CCDC171: variants seen among roughly 807,000 people sequenced by gnomAD.
CCDC171 encodes coiled-coil domain containing 171, also known as coiled-coil domain-containing protein 171.
A neutral mutation model predicts 168.2 loss-of-function variants in CCDC171; 177 were observed. The ratio of observed to expected loss-of-function variants is 1.05; its 90% CI spans 0.93 to 1.19. The LOEUF (loss-of-function observed/expected upper bound fraction) is 1.19, where lower values mean the gene tolerates loss of function less well. CCDC171 is among the 50% of genes most tolerant of loss of function. CCDC171 has a pLI of 0.00. For synonymous variants in CCDC171, 687 were observed against 540.8 expected (o/e 1.27, Z -3.75); for missense variants, 1,991 against 1,539.0 (o/e 1.29, Z -4.91).
intron 18 of CCDC171, among the ~76,000 whole-genome samples, chr9:15,776,795 T>C (rs1205121157): frequency 3.9e-5 from 6 of 152,244 alleles, no homozygotes; most frequent in Admixed American, 1.3e-4. Flanking sequence ...TTTGTGCTTA[T>C]GATGTAAAGA....
At chr9:15,640,182 A>G (rs1017137367) in intron 7 of CCDC171, among the ~76,000 whole-genome samples, 8 of 152,204 alleles carry the variant, frequency 5.3e-5, no homozygotes, top group African/African-American at 1.7e-4. Flanking sequence ...GGGATTGAAT[A>G]TAAATGTAAA....
chr9:15,646,749 A>G (rs1354545017), intron 7 of CCDC171, among the ~76,000 whole-genome samples: 1 of 152,208 alleles, frequency 6.6e-6, no homozygotes, highest in Admixed American at 6.5e-5. Flanking sequence ...AGATTCATAA[A>G]ACAAATCCTT....
intron 16 of CCDC171, among the ~76,000 whole-genome samples, chr9:15,735,792 A>T (rs1246160455): frequency 6.6e-6 from 1 of 152,198 alleles, no homozygotes; most frequent in East Asian, 1.9e-4. Context: ...AGAGTTAGTT[A>T]CAATCACGTG....
chr9:16,073,268 G>A, the CCDC171 span, among the ~76,000 whole-genome samples: 1 of 152,196 alleles, frequency 6.6e-6, no homozygotes, highest in African/African-American at 2.4e-5. Flanking sequence ...CGGGTTTGGT[G>A]TAGGAACCCT....
chr9:16,044,173 A>G (rs1049538850), intron 1 of CCDC171, among the ~76,000 whole-genome samples: 1 of 152,166 alleles, frequency 6.6e-6, no homozygotes. Flanking sequence ...AATAAGGGGG[A>G]AGGGAGGCTG....
intron 24 of CCDC171, among the ~76,000 whole-genome samples, chr9:15,902,967 C>T (rs1015233431): frequency 5.3e-4 from 80 of 152,180 alleles, no homozygotes; most frequent in African/African-American, 1.3e-3. Context: ...AACTGCAAGG[C>T]GGCAGCGAGC....
At chr9:15,599,997 G>A (rs999030293) in intron 6 of CCDC171, among the ~76,000 whole-genome samples, 6 of 151,816 alleles carry the variant, frequency 4.0e-5, no homozygotes, top group Middle Eastern at 3.2e-3. Flanking sequence ...TTTCAGCTCC[G>A]TCAGGTCCTT....
At chr9:16,036,120 C>T (rs1833462588) in exon 8 of CCDC171, 1 of 152,232 alleles carries the variant, frequency 6.6e-6, no homozygotes, top group Non-Finnish European at 1.5e-5. Flanking sequence ...GTTCTTTCTC[C>T]ACAGACCAAC....
chr9:15,651,233 T>G (rs1478059461), intron 7 of CCDC171, among the ~76,000 whole-genome samples: 1 of 151,842 alleles, frequency 6.6e-6, no homozygotes, highest in Non-Finnish European at 1.5e-5. Context: ...CTCAGCCTCC[T>G]GAGTAGCTGG....
intron 25 of CCDC171, among the ~76,000 whole-genome samples, chr9:15,960,638 G>T (rs1223486921): frequency 6.6e-6 from 1 of 152,176 alleles, no homozygotes; most frequent in Non-Finnish European, 1.5e-5. Flanking sequence ...TAACATTCCT[G>T]ACTATCATGT....
intron 21 of CCDC171, among the ~76,000 whole-genome samples, chr9:15,830,624 C>T (rs9407655): frequency 0.43 from 65,979 of 151,870 alleles, 14,510 homozygotes; most frequent in Non-Finnish European, 0.46. Flanking sequence ...AGTCTTTAAC[C>T]GTAATGTCAA....
chr9:16,035,526 G>C (rs999820781), intron 7 of CCDC171: 5 of 152,128 alleles, frequency 3.3e-5, no homozygotes, highest in Admixed American at 3.3e-4. Context: ...CTCCATCTTG[G>C]TATGTATGCT....
chr9:15,810,461 G>A (rs1346103009), intron 21 of CCDC171, among the ~76,000 whole-genome samples: 7 of 151,322 alleles, frequency 4.6e-5, no homozygotes, highest in Admixed American at 2.6e-4. Flanking sequence ...GGCGCCTGTC[G>A]GGGAGGCTAG....
intron 24 of CCDC171, among the ~76,000 whole-genome samples, chr9:15,915,910 A>T (rs1824436558): frequency 6.6e-6 from 1 of 152,096 alleles, no homozygotes; most frequent in South Asian, 2.1e-4. Context: ...GTGATATATC[A>T]TGTTTGTTGA....
rs2053692472 is a variant in CCDC171 at position 15,724,787 on chromosome 9, T to C, written c.1503T>C (p.Asp501=). ...GGTATCTATGACAGGAACTTCAGGA[T>C]AAACTGGCTGATGTTAATAAAGAGT... ...SHTKNIKELQ[D]KLADVNKELS... is the part of the protein sequence containing the mutation. Residue 501 remains aspartate, a synonymous_variant, in exon 14 of 26, where the codon GAT becomes GAC. Transcript: ENST00000380701. 3 of 1,612,810 alleles carry C rather than the reference T, an allele frequency of 1.9e-6. No individual in the cohort carries two copies. The highest frequency in any genetic ancestry group is 2.5e-6 in the Non-Finnish European group (3 of 1,179,154).
In CCDC171 at chr9:15,788,724, A is replaced by T. The variant is rs891727328; in HGVS notation, c.3267+4030A>T. On this transcript the variant is annotated intron_variant, in intron 21 of 25. Coordinates refer to ENST00000380701, the MANE Select transcript of CCDC171 (RefSeq NM_173550.4). ...GCCACCACACCCTGCTAATTAAAAA[A>T]ATTTTTTTGTAGAGATGGAAACTGC... is the stretch of plus-strand genomic sequence containing the variant. Among the ~76,000 whole-genome samples, 109 of 151,984 alleles carry T rather than the reference A, an allele frequency of 7.2e-4. 1 individual carries two copies. Among genetic ancestry groups the T allele is most frequent in the African/African-American group, 2.4e-3 (100 of 41,384 alleles).
At chr9:16,102,190 C>T in the CCDC171 span, among the ~76,000 whole-genome samples, 1 of 152,132 alleles carries the variant, frequency 6.6e-6, no homozygotes, top group South Asian at 2.1e-4. Flanking sequence ...GAGCCTCCTC[C>T]ACAGTCAAAG....
intron 2 of CCDC171, among the ~76,000 whole-genome samples, chr9:15,570,206 A>G (rs1411960815): frequency 1.3e-5 from 2 of 151,952 alleles, no homozygotes; most frequent in East Asian, 1.9e-4. Context: ...CCTGGCCTCA[A>G]GTGATCTGCC....
rs1422935075 is a variant in CCDC171 at position 15,818,630 on chromosome 9, G to A, written c.3268-28072G>A. Among the ~76,000 whole-genome samples the A allele has an allele frequency of 1.7e-5, 2 of 115,062 alleles. 1 individual carries two copies. The highest frequency in any genetic ancestry group is 3.8e-5 in the Non-Finnish European group (2 of 52,384). 75.5% of individuals were successfully genotyped at this position (115,062 alleles called of 152,430 possible). The stretch of plus-strand genomic sequence containing the variant: ...TGAAATGAATGAAATGAAGCAAGAA[G>A]AGAAGTTTAGAGAAAAAAGAATAAA... On this transcript the variant is annotated intron_variant, in intron 21 of 25. Transcript: ENST00000380701.
Sources: allele counts gnomAD v4.1 joint callset (sites outside exome capture counted in the v4.1 genomes callset), GRCh38; gene constraint gnomAD v4.1.1; transcripts MANE v1.5; gene names NCBI Gene and HGNC (gene_info 2026-07-23, HGNC 2026-07-21).